The following ACACA variants were observed in gnomAD, a reference collection of about 807,000 sequenced individuals.
The protein encoded by ACACA is acetyl-CoA carboxylase alpha.
Under a neutral mutation model 296.1 loss-of-function variants are expected in ACACA, and 103 were observed. That is an observed-to-expected ratio of 0.35 (90% CI 0.30 to 0.41). The LOEUF is 0.41. Ranked by LOEUF, ACACA falls within the 10% of genes least tolerant of loss-of-function variation. The pLI, the probability that ACACA is intolerant of heterozygous loss-of-function variation, is 1.00. For missense variants in ACACA, 1,554 were observed against 2,989.7 expected (o/e 0.52, Z 11.20); for synonymous variants, 953 against 1,038.6 (o/e 0.92, Z 1.58).
Position 37,293,029 on chromosome 17 carries a change from A to T in ACACA, c.339-8059T>A, listed in dbSNP as rs943727538. On this transcript the variant is annotated intron_variant, in intron 3 of 55. Transcript: ENST00000616317. ...TTAACTATATATTAAAAAAACTGGC[A>T]AACTGCCGACACATTTTTTTTTACA... Among the ~76,000 whole-genome samples the T allele has an allele frequency of 5.3e-5, 8 of 152,340 alleles. No individual in the cohort carries two copies. The South Asian group carries it at 1.7e-3, about 32-fold the overall frequency.
intron 35 of ACACA, among the ~76,000 whole-genome samples, chr17:37,196,700 T>C (rs2078016884): frequency 6.6e-6 from 1 of 151,986 alleles, no homozygotes; most frequent in African/African-American, 2.4e-5. Flanking sequence ...AGACCTAAAA[T>C]GTGAGTGAAA....
At chr17:37,092,247 C>T (rs796122077) in intron 54 of ACACA, among the ~76,000 whole-genome samples, 6 of 150,208 alleles carry the variant, frequency 4.0e-5, no homozygotes, top group African/African-American at 1.5e-4. Flanking sequence ...CATACCTACT[C>T]CAGCAGCCTG....
At chr17:37,133,579 T>C (rs778573653) in intron 45 of ACACA, among the ~76,000 whole-genome samples, 1 of 152,220 alleles carries the variant, frequency 6.6e-6, no homozygotes, top group Non-Finnish European at 1.5e-5. Flanking sequence ...AAGGTTGCCC[T>C]GCTGACCTTC....
chr17:37,259,344 G>A lies in ACACA; in HGVS notation c.1500+16C>T, dbSNP rs763909261. Reference sequence around the variant, plus strand: ...TGACTTTTCTAGGCTCTGCAACCCAGATCAGGGAGACTCACCTGGAGCTGT... The same window carrying A: ...TGACTTTTCTAGGCTCTGCAACCCAAATCAGGGAGACTCACCTGGAGCTGT... On this transcript the variant is annotated intron_variant, in intron 12 of 55. Coordinates refer to ENST00000616317, the MANE Select transcript of ACACA (RefSeq NM_198834.3). 1 of 1,613,860 alleles carries A rather than the reference G, an allele frequency of 6.2e-7. No homozygotes were observed. Among genetic ancestry groups the A allele is most frequent in the Admixed American group, 1.7e-5 (1 of 59,996 alleles).
At chr17:37,366,661 G>C (rs2049616729) in intron 1 of ACACA, among the ~76,000 whole-genome samples, 2 of 151,912 alleles carry the variant, frequency 1.3e-5, no homozygotes, top group Admixed American at 6.6e-5. Context: ...TAGAGACAGG[G>C]TTTCACCATT....
intron 5 of ACACA, 150 bp downstream of exon 5, chr17:37,283,117 A>G (rs771044209): frequency 3.2e-6 from 3 of 938,102 alleles, no homozygotes; most frequent in Non-Finnish European, 4.9e-6. Context: ...TCTATTACTG[A>G]CACATTTTAA....
intron 24 of ACACA, among the ~76,000 whole-genome samples, chr17:37,240,265 T>C (rs2080327045): frequency 2.0e-5 from 3 of 152,226 alleles, no homozygotes. Context: ...GGATTCCTAA[T>C]TTCATCAAGC....
At chr17:37,272,998 A>G (rs1020486358) in intron 9 of ACACA, among the ~76,000 whole-genome samples, 3 of 152,200 alleles carry the variant, frequency 2.0e-5, no homozygotes, top group Non-Finnish European at 1.5e-5. Flanking sequence ...AGAAAAAATA[A>G]AAAAGAATGT....
rs2049471467 is a variant in ACACA, at chr17:37,363,157, T to C, written c.39-23307A>G. On this transcript the variant is annotated intron_variant, in intron 1 of 55. Transcript: ENST00000616317. ...ACATGCCACCACACCTGGTTGACTT[T>C]TTCTTTTCTCTTTCTCTTTTTCTTT... Among the ~76,000 whole-genome samples the C allele has an allele frequency of 4.0e-5, 6 of 150,046 alleles. No individual in the cohort carries two copies. In the South Asian group the frequency reaches 1.3e-3, roughly 32 times the overall value.
At chr17:37,344,023 C>G (rs943981533) in intron 1 of ACACA, among the ~76,000 whole-genome samples, 1 of 148,476 alleles carries the variant, frequency 6.7e-6, no homozygotes, top group Non-Finnish European at 1.5e-5. Flanking sequence ...CTATTGACAC[C>G]TAAATATACA....
intron 50 of ACACA, among the ~76,000 whole-genome samples, chr17:37,116,627 C>T (rs146306681): frequency 3.2e-4 from 49 of 152,278 alleles, no homozygotes; most frequent in African/African-American, 1.1e-3. Flanking sequence ...ACCCACAGCC[C>T]AACCATCAAA....
At chr17:37,258,449 A>C in intron 12 of ACACA, 76 bp from the exon 13 acceptor site, 1 of 1,435,730 alleles carries the variant, frequency 7.0e-7, no homozygotes, top group South Asian at 1.2e-5. Flanking sequence ...AGATAACCTA[A>C]AATATTTTTA....
intron 1 of ACACA, among the ~76,000 whole-genome samples, chr17:37,358,294 C>T (rs1425974565): frequency 6.6e-6 from 1 of 152,212 alleles, no homozygotes. Flanking sequence ...CCTTCACGCA[C>T]ATTTTCCTGT....
intron 3 of ACACA, among the ~76,000 whole-genome samples, chr17:37,300,733 A>T (rs894278080): frequency 3.3e-5 from 5 of 152,164 alleles, no homozygotes; most frequent in Non-Finnish European, 7.3e-5. Context: ...TTTGAAAGCA[A>T]CTCAATCAGG....
At chr17:37,352,590 G>GT (rs1269531218) in intron 1 of ACACA, among the ~76,000 whole-genome samples, 1 of 152,006 alleles carries the variant, frequency 6.6e-6, no homozygotes, top group East Asian at 1.9e-4. Flanking sequence ...ATGGTGGTGT[G>GT]TGTCTGTAGT....
At chr17:37,201,486 C>T (rs750411597) in intron 33 of ACACA, among the ~76,000 whole-genome samples, 3 of 150,738 alleles carry the variant, frequency 2.0e-5, no homozygotes, top group Non-Finnish European at 4.4e-5. Flanking sequence ...GCCACTTATA[C>T]GAGTCTTGGG....
chr17:37,143,795 G>T, intron 45 of ACACA: 3 of 1,146,066 alleles, frequency 2.6e-6, no homozygotes, highest in Non-Finnish European at 4.0e-6. Flanking sequence ...GCTGCATCAG[G>T]CTTTCCTTTA....
chr17:37,102,199 C>CTTTTTT (rs35050543), intron 52 of ACACA, among the ~76,000 whole-genome samples: 13 of 106,086 alleles, frequency 1.2e-4, no homozygotes, highest in Non-Finnish European at 1.3e-4. Flanking sequence ...GCATCCAGCT[C>CTTTTTT]TTTTTTTTTT....
chr17:37,237,127 ACTGTACCATTT>A, intron 24 of ACACA, among the ~76,000 whole-genome samples: 1 of 151,402 alleles, frequency 6.6e-6, no homozygotes, highest in Admixed American at 6.6e-5. Flanking sequence ...AAATGGAATC[ACTGTACCATTT>A]CTTTTCCTTA....
Sources: allele counts gnomAD v4.1 joint callset (sites outside exome capture counted in the v4.1 genomes callset), GRCh38; gene constraint gnomAD v4.1.1; transcripts MANE v1.5; gene names NCBI Gene and HGNC (gene_info 2026-07-23, HGNC 2026-07-21).